Variants in PDE10A observed in about 807,000 individuals in gnomAD.
PDE10A encodes the protein phosphodiesterase 10A.
PDE10A carries 39 observed loss-of-function variants against 97.7 expected under a neutral mutation model. The ratio of observed to expected loss-of-function variants is 0.40; its 90% CI spans 0.31 to 0.52. PDE10A has a LOEUF of 0.52. PDE10A is among the 20% of genes least tolerant of loss of function. The pLI is 0.56. For missense variants in PDE10A, 731 were observed against 1,047.8 expected (o/e 0.70, Z 4.17); for synonymous variants, 371 against 376.8 (o/e 0.98, Z 0.18).
intron 2 of PDE10A, among the ~76,000 whole-genome samples, chr6:165,513,328 T>C (rs1211559392): frequency 6.6e-6 from 1 of 152,146 alleles, no homozygotes; most frequent in Non-Finnish European, 1.5e-5. Flanking sequence ...TTGGCATCTT[T>C]GTTGAAAGTG....
rs578169588 is a variant in PDE10A, at chr6:165,644,386, C to T, written c.865+17561G>A. Among the ~76,000 whole-genome samples, 63 of 152,264 alleles carry T rather than the reference C, an allele frequency of 4.1e-4. 1 individual carries two copies. In the South Asian group the frequency reaches 4.8e-3, roughly 12 times the overall value. On this transcript the variant is annotated intron_variant, in intron 1 of 21. Transcript: ENST00000539869. ...AGAAAAGTTCATTTTTAAGAGTCTC[C>T]GTGAAGATTTCTTTAAGTGATCTTT...
intron 1 of PDE10A, among the ~76,000 whole-genome samples, chr6:165,728,713 C>G (rs1792355695): frequency 6.6e-6 from 1 of 151,992 alleles, no homozygotes; most frequent in Non-Finnish European, 1.5e-5. Flanking sequence ...TATAAGACAC[C>G]AGGAAAGGTG....
intron 1 of PDE10A, among the ~76,000 whole-genome samples, chr6:165,625,593 A>G (rs1788344899): frequency 6.6e-6 from 1 of 152,142 alleles, no homozygotes; most frequent in African/African-American, 2.4e-5. Flanking sequence ...CTGTCATGGG[A>G]GGGACCTGGT....
At chr6:165,518,320 C>A (rs370809011) in intron 2 of PDE10A, among the ~76,000 whole-genome samples, 1 of 152,178 alleles carries the variant, frequency 6.6e-6, no homozygotes, top group African/African-American at 2.4e-5. Context: ...CAGTTACCCA[C>A]AGTCAACCAC....
At chr6:165,588,296 T>C (rs1218038526) in intron 1 of PDE10A, among the ~76,000 whole-genome samples, 7 of 147,350 alleles carry the variant, frequency 4.8e-5, no homozygotes, top group East Asian at 2.0e-4. Flanking sequence ...TTTTTTTTTT[T>C]TTTTTTTTTT....
At chr6:165,654,533 T>C (rs1789841047) in intron 1 of PDE10A, among the ~76,000 whole-genome samples, 1 of 152,224 alleles carries the variant, frequency 6.6e-6, no homozygotes. Flanking sequence ...TTCCTTCCAG[T>C]GTCCAAAGCC....
At chr6:165,507,416 AC>A (rs1403666916) in intron 2 of PDE10A, among the ~76,000 whole-genome samples, 1 of 152,104 alleles carries the variant, frequency 6.6e-6, no homozygotes, top group African/African-American at 2.4e-5. Context: ...CTAACACAGT[AC>A]TTGTAAATTA....
intron 13 of PDE10A, among the ~76,000 whole-genome samples, chr6:165,401,680 A>G (rs1786675402): frequency 1.3e-5 from 2 of 152,174 alleles, no homozygotes; most frequent in African/African-American, 4.8e-5. Context: ...TTAGAAGCAT[A>G]GGCTGGACAC....
intron 1 of PDE10A, chr6:165,660,224 C>T (rs73788705): frequency 0.018 from 2,766 of 152,882 alleles, 99 homozygotes; most frequent in African/African-American, 0.064. Context: ...CAATGCATGG[C>T]CAAAGGGCAC....
intron 1 of PDE10A, among the ~76,000 whole-genome samples, chr6:165,777,284 G>T (rs1380926027): frequency 6.6e-6 from 1 of 152,196 alleles, no homozygotes; most frequent in African/African-American, 2.4e-5. Flanking sequence ...TATTTGAGGT[G>T]GCTTTGAGGG....
chr6:165,737,594 A>G (rs1005937194), intron 1 of PDE10A, among the ~76,000 whole-genome samples: 6 of 152,268 alleles, frequency 3.9e-5, no homozygotes, highest in African/African-American at 1.4e-4. Flanking sequence ...ACAAAATCCA[A>G]CATCAGCAAA....
At chr6:165,564,686 G>C (rs921693820) in intron 1 of PDE10A, among the ~76,000 whole-genome samples, 1 of 152,188 alleles carries the variant, frequency 6.6e-6, no homozygotes, top group South Asian at 2.1e-4. Flanking sequence ...TTTTCTGCGA[G>C]TAAATTTCTA....
chr6:165,459,550 C>T (rs931900071), intron 3 of PDE10A, among the ~76,000 whole-genome samples: 9 of 119,066 alleles, frequency 7.6e-5, no homozygotes, highest in African/African-American at 3.2e-4. Context: ...GACAGACAGA[C>T]AGACAGACAG....
At chr6:165,718,276 G>A (rs941637521) in intron 1 of PDE10A, 5 of 152,240 alleles carry the variant, frequency 3.3e-5, no homozygotes, top group African/African-American at 9.6e-5. Context: ...TCATCCTTGT[G>A]CAGGGACCTG....
intron 1 of PDE10A, among the ~76,000 whole-genome samples, chr6:165,791,364 T>C (rs574289362): frequency 1.9e-4 from 29 of 152,078 alleles, no homozygotes; most frequent in Non-Finnish European, 3.5e-4. Context: ...AGAATGTCCT[T>C]CTTCTTAAGG....
At chr6:165,642,564 C>T (rs745597663) in intron 1 of PDE10A, among the ~76,000 whole-genome samples, 8 of 152,192 alleles carry the variant, frequency 5.3e-5, no homozygotes, top group Non-Finnish European at 1.2e-4. Context: ...AACAGTGGTA[C>T]GGACTGGTTG....
intron 1 of PDE10A, among the ~76,000 whole-genome samples, chr6:165,586,419 C>T (rs1785915879): frequency 6.6e-6 from 1 of 152,084 alleles, no homozygotes; most frequent in Non-Finnish European, 1.5e-5. Context: ...CCCACTATGC[C>T]ACAAAATATG....
chr6:165,739,461 T>C (rs1248534215), intron 1 of PDE10A, among the ~76,000 whole-genome samples: 1 of 152,188 alleles, frequency 6.6e-6, no homozygotes, highest in African/African-American at 2.4e-5. Context: ...ATTGGACCAT[T>C]GCCTCACACC....
chr6:165,943,323 G>GA lies in PDE10A; in HGVS notation c.-615+44205dup, dbSNP rs1236986640. On this transcript the variant is annotated intron_variant, in intron 1 of 19. Coordinates refer to the PDE10A transcript ENST00000366882. ...AGAAAGAAAGAAGGAAGGAAGGAAA[G>GA]AAAGAAAAAGAAAGAAAGAAAAGAG... Among the ~76,000 whole-genome samples, 32 of 118,534 alleles carry GA rather than the reference G, an allele frequency of 2.7e-4. 5 individuals are homozygous for GA. The highest frequency in any genetic ancestry group is 8.1e-4 in the South Asian group (3 of 3,702). The allele number at this position is 118,534 out of a possible 152,430, so 77.8% of individuals were successfully genotyped here. A position where few individuals can be genotyped will look rare whatever the true frequency, so the allele number is the denominator to read the frequency against.
Sources: allele counts gnomAD v4.1 joint callset (sites outside exome capture counted in the v4.1 genomes callset), GRCh38; gene constraint gnomAD v4.1.1; transcripts MANE v1.5; gene names NCBI Gene and HGNC (gene_info 2026-07-23, HGNC 2026-07-21).